The following CPXM2 variants were observed in gnomAD, a reference collection of about 807,000 sequenced individuals.
The protein encoded by CPXM2 is carboxypeptidase X, M14 family member 2.
CPXM2 carries 66 observed loss-of-function variants against 86.1 expected under a neutral mutation model. The observed-to-expected ratio is 0.77, with a 90% CI of 0.63 to 0.94. The LOEUF (loss-of-function observed/expected upper bound fraction) is 0.94. Among genes scored for constraint, CPXM2 ranks in the 40% least tolerant of loss-of-function variants. CPXM2 has a pLI of 0.00. For missense variants in CPXM2, 948 were observed against 1,026.3 expected (o/e 0.92, Z 1.04); for synonymous variants, 388 against 400.2 (o/e 0.97, Z 0.36).
intron 4 of CPXM2, among the ~76,000 whole-genome samples, chr10:123,821,318 T>A (rs7076382): frequency 0.051 from 7,804 of 152,298 alleles, 659 homozygotes; most frequent in African/African-American, 0.17. Flanking sequence ...CTTACCATAA[T>A]TAGGGTTTCC....
At chr10:123,913,355 T>C (rs901853567) in intron 2 of CPXM2, among the ~76,000 whole-genome samples, 5 of 152,044 alleles carry the variant, frequency 3.3e-5, no homozygotes, top group Non-Finnish European at 5.9e-5. Flanking sequence ...CAAGTAGCAT[T>C]TGGTGAATAA....
At chr10:123,811,861 T>G (rs751719714) in intron 4 of CPXM2, among the ~76,000 whole-genome samples, 2 of 152,202 alleles carry the variant, frequency 1.3e-5, no homozygotes, top group Non-Finnish European at 2.9e-5. Context: ...GTTACGGAAA[T>G]GCAAGTTTCT....
Position 123,813,103 on chromosome 10 carries a change from G to A in CPXM2, c.654-13904C>T, listed in dbSNP as rs955055722. Among the ~76,000 whole-genome samples, 6 of 152,132 alleles carry A rather than the reference G, an allele frequency of 3.9e-5. No homozygotes were observed. The South Asian group carries it at 8.3e-4, about 21-fold the overall frequency. ...CACAACTACCTTTTGTGAAACAGACGTGTGTAAAGATGCCACATTCATCTC... is the reference window on the plus strand; with the variant it reads ...CACAACTACCTTTTGTGAAACAGACATGTGTAAAGATGCCACATTCATCTC... On this transcript the variant is annotated intron_variant, in intron 4 of 13. Transcript: ENST00000241305.
chr10:123,790,793 A>C (rs1485735683), intron 6 of CPXM2, among the ~76,000 whole-genome samples: 1 of 152,126 alleles, frequency 6.6e-6, no homozygotes, highest in Non-Finnish European at 1.5e-5. Context: ...CAGGCACCCC[A>C]TACGTATTTG....
intron 4 of CPXM2, among the ~76,000 whole-genome samples, chr10:123,834,884 G>A (rs1022667889): frequency 6.6e-6 from 1 of 152,062 alleles, no homozygotes; most frequent in Non-Finnish European, 1.5e-5. Context: ...GTTAAAAGAA[G>A]CCTGGCACCT....
At chr10:123,756,063 A>G (rs1038255354) in intron 12 of CPXM2, among the ~76,000 whole-genome samples, 7 of 152,182 alleles carry the variant, frequency 4.6e-5, no homozygotes, top group Non-Finnish European at 1.0e-4. Flanking sequence ...TCAGATGCTA[A>G]ATCCTGGTGC....
chr10:123,800,201 G>T (rs1199501460), intron 4 of CPXM2, among the ~76,000 whole-genome samples: 1 of 151,902 alleles, frequency 6.6e-6, no homozygotes, highest in African/African-American at 2.4e-5. Flanking sequence ...CTGGTTCTAT[G>T]CATTCTGGTT....
intron 4 of CPXM2, among the ~76,000 whole-genome samples, chr10:123,828,377 G>T (rs12780900): frequency 0.41 from 62,158 of 151,980 alleles, 14,778 homozygotes; most frequent in African/African-American, 0.67. Context: ...TCATCTTGAA[G>T]TGTAGCTCCC....
intron 3 of CPXM2, among the ~76,000 whole-genome samples, chr10:123,854,395 T>TTATATATATAA (rs1848671553): frequency 3.4e-5 from 4 of 116,760 alleles, no homozygotes; most frequent in African/African-American, 1.1e-4. Context: ...AATATATATA[T>TTATATATATAA]TATATATATA....
Position 123,771,586 on chromosome 10 carries a change from T to C in CPXM2, c.979-547A>G, listed in dbSNP as rs542719345. ...TTGGACATTCCCACCTCTAGAACTC[T>C]GAATAGATTTCTGTTATTTATAAGC... On this transcript the variant is annotated intron_variant, in intron 7 of 13. Transcript: ENST00000241305. Among the ~76,000 whole-genome samples the C allele has an allele frequency of 7.2e-5, 11 of 152,334 alleles. No individual in the cohort carries two copies. The South Asian group carries it at 2.1e-3, about 29-fold the overall frequency.
chr10:123,854,093 T>C (rs1328522879), intron 3 of CPXM2, among the ~76,000 whole-genome samples: 2 of 151,360 alleles, frequency 1.3e-5, no homozygotes, highest in African/African-American at 2.4e-5. Context: ...GAGACGGTCA[T>C]CTGACCTGTG....
chr10:123,832,949 GGGA>G (rs1455094551), intron 4 of CPXM2, among the ~76,000 whole-genome samples: 2 of 152,158 alleles, frequency 1.3e-5, no homozygotes, highest in Non-Finnish European at 2.9e-5. Flanking sequence ...TTTCCGCCAT[GGGA>G]GGAGGACACA....
At chr10:123,913,769 C>T (rs1945510217) in intron 2 of CPXM2, 1 of 264,448 alleles carries the variant, frequency 3.8e-6, no homozygotes, top group African/African-American at 2.3e-5. Context: ...CCATGGTGAC[C>T]AGCAGCTCCA....
intron 2 of CPXM2, among the ~76,000 whole-genome samples, chr10:123,934,985 T>A (rs888785324): frequency 2.0e-5 from 3 of 152,200 alleles, no homozygotes; most frequent in African/African-American, 7.2e-5. Flanking sequence ...GGGTACGACC[T>A]AGCCAGGAAG....
At chr10:123,853,046 A>G (rs182169163) in intron 3 of CPXM2, among the ~76,000 whole-genome samples, 1 of 152,278 alleles carries the variant, frequency 6.6e-6, no homozygotes, top group African/African-American at 2.4e-5. Flanking sequence ...GGAGGTGATT[A>G]GATCATGGGG....
chr10:123,862,475 G>A (rs1848871191), intron 3 of CPXM2, 139 bp downstream of exon 3: 1 of 751,358 alleles, frequency 1.3e-6, no homozygotes, highest in Admixed American at 2.4e-5. Flanking sequence ...GTAAAATTAG[G>A]ATCATTCAGC....
At chr10:123,762,708 G>C (rs1432707227) in intron 10 of CPXM2, among the ~76,000 whole-genome samples, 3 of 152,032 alleles carry the variant, frequency 2.0e-5, no homozygotes, top group South Asian at 2.1e-4. Context: ...CATCGTTTAA[G>C]AATGAAATTC....
chr10:123,780,343 C>T, intron 6 of CPXM2, 88 bp from the exon 7 acceptor site: 1 of 860,532 alleles, frequency 1.2e-6, no homozygotes, highest in Non-Finnish European at 2.0e-6. Flanking sequence ...ACTGCACGGA[C>T]AGTGCAGCCC....
intron 2 of CPXM2, among the ~76,000 whole-genome samples, chr10:123,939,287 G>A (rs1164919248): frequency 6.6e-6 from 1 of 152,152 alleles, no homozygotes; most frequent in Non-Finnish European, 1.5e-5. Context: ...CATATTTAAA[G>A]TAAACTAGAA....
Sources: gnomAD v4.1 joint callset for allele counts (sites outside exome capture counted in the v4.1 genomes callset) on GRCh38, gnomAD v4.1.1 for gene constraint, MANE v1.5 for transcripts, NCBI Gene and HGNC (gene_info 2026-07-23, HGNC 2026-07-21) for gene names.